The following DLGAP3 variants were observed in gnomAD, a reference collection of about 807,000 sequenced individuals.
DLGAP3 encodes the protein DLG associated protein 3.
DLGAP3 carries 17 observed loss-of-function variants against 81.2 expected under a neutral mutation model. That is an observed-to-expected ratio of 0.21 (90% confidence interval 0.14 to 0.31). The LOEUF is 0.31. DLGAP3 is among the 10% of genes least tolerant of loss of function. The pLI is 1.00. For synonymous variants in DLGAP3, 577 were observed against 587.4 expected, an observed-to-expected ratio of 0.98 and a Z score of 0.26; for missense variants, 1,124 against 1,388.0, an observed-to-expected ratio of 0.81 and a Z score of 3.02.
intron 8 of DLGAP3, among the ~76,000 whole-genome samples, chr1:34,876,971 C>A (rs1639067995): frequency 6.6e-6 from 1 of 152,206 alleles, no homozygotes; most frequent in Non-Finnish European, 1.5e-5. Flanking sequence ...CCCACTCACA[C>A]CCTAAACGCA....
intron 5 of DLGAP3, among the ~76,000 whole-genome samples, 199 bp from the exon 6 acceptor site, chr1:34,886,484 G>A (rs989516986): frequency 1.3e-5 from 2 of 152,176 alleles, no homozygotes; most frequent in African/African-American, 4.8e-5. Context: ...CCCAAGGCTT[G>A]TCTTGGGGCC....
chr1:34,917,125 C>CAGCT (rs1485593716), intron 1 of DLGAP3, among the ~76,000 whole-genome samples: 1 of 152,160 alleles, frequency 6.6e-6, no homozygotes. Context: ...ATCTCTTCCT[C>CAGCT]ATACACAGCT....
In DLGAP3 at chr1:34,914,863, A is replaced by G. The variant is rs377388437; in HGVS notation, c.-134-7426T>C. On this transcript the variant is annotated intron_variant, in intron 1 of 11. Coordinates refer to ENST00000373347, the MANE Select transcript of DLGAP3 (RefSeq NM_001080418.3). ...GGTGGTCTGAAAACTCATCTTTTTCACGCATGCAGGAATTTCTGTTTGCCT... is the reference window on the plus strand; with the variant it reads ...GGTGGTCTGAAAACTCATCTTTTTCGCGCATGCAGGAATTTCTGTTTGCCT... Among the ~76,000 whole-genome samples, 63 of 152,272 alleles carry G rather than the reference A, an allele frequency of 4.1e-4. 1 individual carries two copies. The South Asian group carries it at 0.012, about 29-fold the overall frequency.
intron 1 of DLGAP3, among the ~76,000 whole-genome samples, chr1:34,911,500 G>A (rs1053573410): frequency 1.3e-5 from 2 of 152,194 alleles, no homozygotes; most frequent in Admixed American, 6.5e-5. Flanking sequence ...TGCCCGAATG[G>A]TGAAGCTGGG....
At chr1:34,883,157 TATTTATTC>T (rs1391851917) in intron 8 of DLGAP3, among the ~76,000 whole-genome samples, 1 of 152,266 alleles carries the variant, frequency 6.6e-6, no homozygotes, top group African/African-American at 2.4e-5. Context: ...ATTCAAGGAT[TATTTATTC>T]ATTGCCTTGA....
chr1:34,918,178 C>A (rs898881817), intron 1 of DLGAP3, among the ~76,000 whole-genome samples: 6 of 152,302 alleles, frequency 3.9e-5, no homozygotes, highest in Admixed American at 3.3e-4. Flanking sequence ...CCACAGGCTC[C>A]CTTTCCATGT....
In DLGAP3 at chr1:34,899,821, C is replaced by T. The variant is rs140483630; in HGVS notation, c.1314-80G>A. The stretch of plus-strand genomic sequence containing the variant: ...AGGGGAGATAATAGCACTGGGGCCC[C>T]TGAGTAAGTCCTATTCCTCAGAACC... On this transcript the variant is annotated intron_variant, in intron 4 of 11. Transcript: ENST00000373347. 205 of 1,347,414 alleles carry T rather than the reference C, an allele frequency of 1.5e-4. No individual in the cohort carries two copies. In the African/African-American group the frequency reaches 2.6e-3, roughly 17 times the overall value. The allele number at this position is 1,347,414 out of a possible 1,614,324, so 83.5% of individuals were successfully genotyped here.
intron 8 of DLGAP3, among the ~76,000 whole-genome samples, chr1:34,878,961 A>G (rs1639101251): frequency 6.6e-6 from 1 of 151,964 alleles, no homozygotes; most frequent in Non-Finnish European, 1.5e-5. Context: ...AGTCCCAGCT[A>G]CTTGGGAGGC....
At chr1:34,894,445 T>C (rs999057663) in intron 5 of DLGAP3, among the ~76,000 whole-genome samples, 2 of 152,148 alleles carry the variant, frequency 1.3e-5, no homozygotes, top group African/African-American at 4.8e-5. Context: ...CACATGAATA[T>C]ATCATAGCAA....
chr1:34,918,100 G>T (rs978335015), intron 1 of DLGAP3, among the ~76,000 whole-genome samples: 1 of 152,294 alleles, frequency 6.6e-6, no homozygotes, highest in East Asian at 1.9e-4. Flanking sequence ...TCAGAGGGGG[G>T]GTCTCTCAGA....
chr1:34,914,393 G>A (rs947454416), intron 1 of DLGAP3, among the ~76,000 whole-genome samples: 6 of 152,124 alleles, frequency 3.9e-5, no homozygotes, highest in Non-Finnish European at 7.3e-5. Flanking sequence ...AAGTCTCCAG[G>A]GGCCTTCTTT....
intron 5 of DLGAP3, among the ~76,000 whole-genome samples, chr1:34,887,942 C>A (rs1639259162): frequency 6.6e-6 from 1 of 152,228 alleles, no homozygotes; most frequent in African/African-American, 2.4e-5. Context: ...GGTCTCAGGG[C>A]CTCCCTGGTA....
In DLGAP3 at chr1:34,867,301, G is replaced by C. The variant is rs1256960239; in HGVS notation, c.2578-110C>G. On this transcript the variant is annotated intron_variant, in intron 10 of 11. Transcript: ENST00000373347. The surrounding 1 kb of genome is among the most constrained non-coding windows in gnomAD (Gnocchi z 4.3). ...TACTGCCAGGAAGCTCAGCCTGGGAGAGTGGGTGGGGGCTGGGAGACAGGG... is the reference window on the plus strand; with the variant it reads ...TACTGCCAGGAAGCTCAGCCTGGGACAGTGGGTGGGGGCTGGGAGACAGGG... 6.6e-7 allele frequency: 1 copy of C among 1,504,558 alleles called. No individual in the cohort carries two copies. Among genetic ancestry groups the C allele is most frequent in the Admixed American group, 1.8e-5 (1 of 57,132 alleles). 93.2% of individuals were successfully genotyped at this position (1,504,558 alleles called of 1,614,324 possible). A position where few individuals can be genotyped will look rare whatever the true frequency, so the allele number is the denominator to read the frequency against.
At chr1:34,899,778 A>C (rs1557483930) in intron 4 of DLGAP3, 37 bp from the exon 5 acceptor site, 1 of 1,593,328 alleles carries the variant, frequency 6.3e-7, no homozygotes. Flanking sequence ...AGAACAGTGG[A>C]CTGCTAGGAG....
intron 1 of DLGAP3, among the ~76,000 whole-genome samples, chr1:34,922,737 A>G (rs897416940): frequency 1.3e-5 from 2 of 152,216 alleles, no homozygotes; most frequent in African/African-American, 2.4e-5. Context: ...AGAAATACGC[A>G]TGCATGTGTA....
In DLGAP3 at chr1:34,905,135, C is replaced by T. The variant is rs753115472; in HGVS notation, c.249G>A (p.Gly83=). 1.3e-5 allele frequency: 20 copies of T among 1,571,408 alleles called. No individual in the cohort carries two copies. In the Admixed American group the frequency reaches 3.0e-4, roughly 23 times the overall value. ...TCCTGGGGAAGGTGCTGCTACCCCC[C>T]CCAACCCCGGCCCCCGCTGGCCCTC... ...PEGGPAGAGV[G]GGSSTFPRMY... is the part of the protein sequence containing the mutation. Residue 83 remains glycine (G), a synonymous_variant, in exon 3 of 12, where the codon GGG becomes GGA. Transcript: ENST00000373347.
intron 8 of DLGAP3, among the ~76,000 whole-genome samples, chr1:34,875,728 A>G (rs1038349035): frequency 8.5e-5 from 13 of 152,252 alleles, no homozygotes; most frequent in African/African-American, 3.1e-4. Context: ...GGTCTAGGGA[A>G]ACAGGTGCCA....
chr1:34,871,381 T>TTTTA (rs1638978201), intron 8 of DLGAP3, among the ~76,000 whole-genome samples: 1 of 152,122 alleles, frequency 6.6e-6, no homozygotes, highest in Admixed American at 6.5e-5. Flanking sequence ...CCTCCTTAAG[T>TTTTA]CCTGTTTTAC....
In DLGAP3 at chr1:34,865,810, G is replaced by A. The variant is rs980551958; in HGVS notation, c.*273C>T. 2 of 548,412 alleles carry A rather than the reference G, an allele frequency of 3.6e-6. No homozygotes were observed. The highest frequency in any genetic ancestry group is 2.0e-5 in the African/African-American group (1 of 49,638). The allele number at this position is 548,412 out of a possible 1,614,324, so 34.0% of individuals were successfully genotyped here. A position where few individuals can be genotyped will look rare whatever the true frequency, so the allele number is the denominator to read the frequency against. ...ATGGCAGAGATGGTGCCCATGGGGA[G>A]GAGGTGGGGACAAAGCGTCGGACCA... is the stretch of plus-strand genomic sequence containing the variant. On this transcript the variant is annotated 3_prime_UTR_variant, in exon 12 of 12. Coordinates refer to ENST00000373347, the MANE Select transcript of DLGAP3 (RefSeq NM_001080418.3).
Sources: allele counts gnomAD v4.1 joint callset (sites outside exome capture counted in the v4.1 genomes callset), GRCh38; gene constraint gnomAD v4.1.1; non-coding constraint Gnocchi (gnomAD v3.1); transcripts MANE v1.5; gene names NCBI Gene and HGNC (gene_info 2026-07-23, HGNC 2026-07-21).